NEO1: variants seen among roughly 807,000 people sequenced by gnomAD.
The protein encoded by NEO1 is neogenin 1.
A neutral mutation model predicts 159.7 loss-of-function variants in NEO1; 63 were observed. The observed-to-expected ratio is 0.39, with a 90% CI of 0.32 to 0.49. The LOEUF is 0.49. Among genes scored for constraint, NEO1 ranks in the 20% least tolerant of loss-of-function variants. The pLI is 0.85. For missense variants in NEO1, 1,615 were observed against 1,831.0 expected, an observed-to-expected ratio of 0.88 and a Z score of 2.15; for synonymous variants, 633 against 662.0, an observed-to-expected ratio of 0.96 and a Z score of 0.67.
At chr15:73,290,876 C>G (rs2042139864) in intron 25 of NEO1, among the ~76,000 whole-genome samples, 1 of 152,116 alleles carries the variant, frequency 6.6e-6, no homozygotes, top group African/African-American at 2.4e-5. Context: ...CCTCAAATCC[C>G]CAACCTCTTG....
chr15:73,142,213 C>G (rs1211909876), intron 5 of NEO1, among the ~76,000 whole-genome samples: 1 of 151,950 alleles, frequency 6.6e-6, no homozygotes, highest in Non-Finnish European at 1.5e-5. Context: ...CACAGGACAT[C>G]AAAGGAGTGA....
At chr15:73,158,469 C>T (rs772727468) in intron 5 of NEO1, among the ~76,000 whole-genome samples, 20 of 151,980 alleles carry the variant, frequency 1.3e-4, no homozygotes, top group Non-Finnish European at 2.2e-4. Flanking sequence ...GTGGTCATCG[C>T]TCACTGCAGC....
In NEO1 at chr15:73,128,153, T is replaced by G. The variant is rs2030551654; in HGVS notation, c.878+1583T>G. On this transcript the variant is annotated intron_variant, in intron 4 of 28. Transcript: ENST00000261908. ...TCTCATCATCCATCCACTCACCAAC[T>G]TCCTGTCTTCACATTTTGCTTCCTC... Among the ~76,000 whole-genome samples, 3 of 152,158 alleles carry G rather than the reference T, an allele frequency of 2.0e-5. No individual in the cohort carries two copies. The South Asian group carries it at 6.2e-4, about 32-fold the overall frequency.
At chr15:73,070,442 A>G (rs557689623) in intron 1 of NEO1, among the ~76,000 whole-genome samples, 1 of 152,330 alleles carries the variant, frequency 6.6e-6, no homozygotes, top group South Asian at 2.1e-4. Flanking sequence ...AGTGTAACTC[A>G]ACTCGGTAGA....
At chr15:73,185,926 A>G (rs1385742184) in intron 7 of NEO1, among the ~76,000 whole-genome samples, 1 of 152,094 alleles carries the variant, frequency 6.6e-6, no homozygotes, top group Non-Finnish European at 1.5e-5. Context: ...ATGGCCAAGA[A>G]TTTTAAAAAA....
intron 1 of NEO1, among the ~76,000 whole-genome samples, chr15:73,094,522 C>G (rs754496795): frequency 9.8e-4 from 149 of 152,150 alleles, no homozygotes; most frequent in Non-Finnish European, 1.5e-3. Context: ...AATAATGCTG[C>G]AATGTATATT....
At chr15:73,249,326 GAA>G in intron 10 of NEO1, 118 bp downstream of exon 10, 1 of 1,207,852 alleles carries the variant, frequency 8.3e-7, no homozygotes, top group Non-Finnish European at 1.1e-6. Context: ...CATAGGAAAT[GAA>G]AAGTTGACAG....
At chr15:73,182,687 A>G (rs1405916630) in intron 7 of NEO1, among the ~76,000 whole-genome samples, 1 of 152,126 alleles carries the variant, frequency 6.6e-6, no homozygotes, top group Non-Finnish European at 1.5e-5. Flanking sequence ...TGAAATCATC[A>G]TGTCGTGAGA....
intron 2 of NEO1, among the ~76,000 whole-genome samples, chr15:73,120,358 CTT>C (rs1214477047): frequency 1.3e-5 from 2 of 150,188 alleles, no homozygotes; most frequent in African/African-American, 4.9e-5. Context: ...ATAATTTTAT[CTT>C]TATTTTTTTC....
chr15:73,075,589 TTGA>T (rs2068732058), intron 1 of NEO1, among the ~76,000 whole-genome samples: 1 of 152,224 alleles, frequency 6.6e-6, no homozygotes, highest in East Asian at 1.9e-4. Flanking sequence ...GAAGTACAAG[TTGA>T]TGATTATTGT....
intron 15 of NEO1, among the ~76,000 whole-genome samples, chr15:73,264,452 C>T (rs990731815): frequency 6.6e-6 from 1 of 152,102 alleles, no homozygotes; most frequent in Non-Finnish European, 1.5e-5. Context: ...ATCAAAATAG[C>T]GTTTGAAATA....
chr15:73,278,251 T>G, intron 22 of NEO1, 52 bp downstream of exon 22: 1 of 1,551,582 alleles, frequency 6.4e-7, no homozygotes, highest in Non-Finnish European at 8.9e-7. Flanking sequence ...GAAGCACTTT[T>G]GCTTAAATTT....
At chr15:73,124,803 A>G (rs544040233) in intron 3 of NEO1, among the ~76,000 whole-genome samples, 3 of 152,292 alleles carry the variant, frequency 2.0e-5, no homozygotes, top group South Asian at 2.1e-4. Context: ...CCTCATTAGT[A>G]TGTAAGCTCA....
intron 1 of NEO1, among the ~76,000 whole-genome samples, chr15:73,082,211 T>G (rs953435716): frequency 4.6e-5 from 7 of 152,206 alleles, no homozygotes; most frequent in African/African-American, 1.7e-4. Flanking sequence ...GATTCTTGCC[T>G]TTGTGGCCAT....
chr15:73,213,032 A>G (rs79517561), intron 7 of NEO1, among the ~76,000 whole-genome samples: 16 of 152,034 alleles, frequency 1.1e-4, no homozygotes, highest in Non-Finnish European at 2.2e-4. Flanking sequence ...GGTCATCAAA[A>G]GGGAACCATA....
At chr15:73,286,684 T>A (rs1433794419) in intron 23 of NEO1, among the ~76,000 whole-genome samples, 2 of 152,230 alleles carry the variant, frequency 1.3e-5, no homozygotes, top group Non-Finnish European at 2.9e-5. Flanking sequence ...CATCATCTTT[T>A]CAGGCAAACC....
intron 1 of NEO1, among the ~76,000 whole-genome samples, chr15:73,099,433 G>A (rs891832913): frequency 6.6e-6 from 1 of 152,094 alleles, no homozygotes; most frequent in African/African-American, 2.4e-5. Flanking sequence ...ACTATGACAG[G>A]ATTTTTCTAA....
chr15:73,255,748 C>T (rs1312604149), intron 13 of NEO1: 4 of 152,320 alleles, frequency 2.6e-5, no homozygotes, highest in Admixed American at 2.6e-4. Context: ...CACCCTACCT[C>T]TGTCCTAGGA....
At chr15:73,225,227 CTG>C (rs1487262404) in intron 7 of NEO1, among the ~76,000 whole-genome samples, 2 of 152,228 alleles carry the variant, frequency 1.3e-5, no homozygotes, top group South Asian at 4.2e-4. Context: ...GAAATGGACT[CTG>C]TGAGAGTTCT....
Sources: allele counts gnomAD v4.1 joint callset (sites outside exome capture counted in the v4.1 genomes callset), GRCh38; gene constraint gnomAD v4.1.1; transcripts MANE v1.5; gene names NCBI Gene and HGNC (gene_info 2026-07-23, HGNC 2026-07-21).